ABTB3: variants seen among roughly 807,000 people sequenced by gnomAD.
ABTB3 encodes ankyrin repeat- and BTB/POZ domain-containing protein 3.
chr12:107,570,796 C>T, the ABTB3 span, among the ~76,000 whole-genome samples: 6 of 152,328 alleles, frequency 3.9e-5, no homozygotes, highest in South Asian at 2.1e-4. Context: ...AGCATTGCCT[C>T]CTACCAGTCC....
chr12:107,564,382 C>T, the ABTB3 span, among the ~76,000 whole-genome samples: 1 of 152,132 alleles, frequency 6.6e-6, no homozygotes, highest in African/African-American at 2.4e-5. Flanking sequence ...CTCCTTGAGG[C>T]TTAAAGACCC....
chr12:107,657,938 A>C, the ABTB3 span: 1 of 588,098 alleles, frequency 1.7e-6, no homozygotes. Context: ...TGGACAACCA[A>C]GTTAACCCCA....
At chr12:107,351,147 A>G in the ABTB3 span, among the ~76,000 whole-genome samples, 4 of 152,202 alleles carry the variant, frequency 2.6e-5, no homozygotes, top group Non-Finnish European at 5.9e-5. Context: ...TTGATTAGTT[A>G]GTGCCAGGCA....
At chr12:107,492,866 C>T in the ABTB3 span, among the ~76,000 whole-genome samples, 1 of 152,102 alleles carries the variant, frequency 6.6e-6, no homozygotes, top group Non-Finnish European at 1.5e-5. Flanking sequence ...AGCCACTTGC[C>T]TTCCCAGAGA....
At chr12:107,347,935 G>C in the ABTB3 span, among the ~76,000 whole-genome samples, 3 of 152,114 alleles carry the variant, frequency 2.0e-5, no homozygotes, top group Admixed American at 1.3e-4. Flanking sequence ...CAAGCTGAAG[G>C]AGGAGCCCAG....
the ABTB3 span, among the ~76,000 whole-genome samples, chr12:107,570,688 A>C: frequency 1.1e-4 from 17 of 151,536 alleles, no homozygotes; most frequent in Non-Finnish European, 2.1e-4. Context: ...TTTCAACTGT[A>C]GTCCTATCTG....
the ABTB3 span, among the ~76,000 whole-genome samples, chr12:107,516,118 T>C: frequency 1.3e-5 from 2 of 151,792 alleles, no homozygotes; most frequent in African/African-American, 2.4e-5. Context: ...GTCAAAAATA[T>C]TTGAAAAAAA....
At chr12:107,536,811 C>T in the ABTB3 span, among the ~76,000 whole-genome samples, 1 of 152,176 alleles carries the variant, frequency 6.6e-6, no homozygotes, top group Non-Finnish European at 1.5e-5. Flanking sequence ...TTATGAAGAA[C>T]AGTGTGGAGG....
At chr12:107,397,052 C>T in the ABTB3 span, among the ~76,000 whole-genome samples, 1 of 152,192 alleles carries the variant, frequency 6.6e-6, no homozygotes, top group Non-Finnish European at 1.5e-5. Context: ...CTTGTATCAA[C>T]CCCCAACCTT....
the ABTB3 span, among the ~76,000 whole-genome samples, chr12:107,623,358 C>CTTTTTTT: frequency 1.4e-5 from 1 of 69,624 alleles, no homozygotes; most frequent in Non-Finnish European, 2.7e-5. Context: ...CACGCCTGGC[C>CTTTTTTT]TTTTTTTTTT....
the ABTB3 span, among the ~76,000 whole-genome samples, chr12:107,346,400 C>T: frequency 6.6e-6 from 1 of 152,162 alleles, no homozygotes; most frequent in Non-Finnish European, 1.5e-5. Context: ...CATCCTCTAG[C>T]TATAGCTCTT....
chr12:107,540,432 T>A, the ABTB3 span, among the ~76,000 whole-genome samples: 1 of 152,156 alleles, frequency 6.6e-6, no homozygotes, highest in Non-Finnish European at 1.5e-5. Context: ...CTGATTCAAA[T>A]GCCAGTCTCT....
the ABTB3 span, among the ~76,000 whole-genome samples, chr12:107,628,919 A>G: frequency 6.6e-6 from 1 of 152,278 alleles, no homozygotes; most frequent in East Asian, 1.9e-4. Context: ...CCCATTGTTT[A>G]TGTTTTTACC....
At chr12:107,612,918 G>A in the ABTB3 span, 12 of 1,555,824 alleles carry the variant, frequency 7.7e-6, no homozygotes, top group African/African-American at 1.6e-4. Context: ...GTCCCCAGGG[G>A]AAAGCGAGCA....
the ABTB3 span, among the ~76,000 whole-genome samples, chr12:107,622,623 A>C: frequency 6.6e-6 from 1 of 152,106 alleles, no homozygotes; most frequent in South Asian, 2.1e-4. Context: ...CTGGGATTGC[A>C]GGCATGCACC....
the ABTB3 span, among the ~76,000 whole-genome samples, chr12:107,601,240 A>C: frequency 1.0e-5 from 1 of 99,212 alleles, no homozygotes; most frequent in Non-Finnish European, 1.9e-5. Context: ...AAGTACTGGG[A>C]TGTGAATTTT....
chr12:107,450,250 T>C, the ABTB3 span, among the ~76,000 whole-genome samples: 1 of 152,294 alleles, frequency 6.6e-6, no homozygotes, highest in East Asian at 1.9e-4. Context: ...GTTCTAACTA[T>C]GCCTCTGGGT....
chr12:107,459,664 C>T, the ABTB3 span, among the ~76,000 whole-genome samples: 407 of 152,324 alleles, frequency 2.7e-3, 2 homozygotes, highest in South Asian at 0.019. Flanking sequence ...AACAGCCCAG[C>T]GGGGTGCAGG....
At chr12:107,462,834 G>T in the ABTB3 span, among the ~76,000 whole-genome samples, 1 of 151,928 alleles carries the variant, frequency 6.6e-6, no homozygotes, top group Non-Finnish European at 1.5e-5. Flanking sequence ...GATGATGGTG[G>T]TGGTGATGAT....
Sources: gnomAD v4.1 joint callset for allele counts (sites outside exome capture counted in the v4.1 genomes callset) on GRCh38, gnomAD v4.1.1 for gene constraint, MANE v1.5 for transcripts, NCBI Gene and HGNC (gene_info 2026-07-23, HGNC 2026-07-21) for gene names.